Variants in ATXN7L1 observed in about 807,000 individuals in gnomAD.
The protein encoded by ATXN7L1 is ataxin 7 like 1.
ATXN7L1 carries 15 observed loss-of-function variants against 70.8 expected under a neutral mutation model. That is an observed-to-expected ratio of 0.21 (90% CI 0.14 to 0.33). The LOEUF is 0.33. Among genes scored for constraint, ATXN7L1 ranks in the 10% least tolerant of loss-of-function variants. The pLI is 1.00. For missense variants in ATXN7L1, 975 were observed against 1,097.1 expected, an observed-to-expected ratio of 0.89 and a Z score of 1.57; for synonymous variants, 440 against 445.1, an observed-to-expected ratio of 0.99 and a Z score of 0.14.
At chr7:105,654,626 G>A (rs570425409) in intron 4 of ATXN7L1, among the ~76,000 whole-genome samples, 1 of 152,318 alleles carries the variant, frequency 6.6e-6, no homozygotes, top group South Asian at 2.1e-4. Flanking sequence ...CCACAAAATA[G>A]TCTTTAGGCT....
At chr7:105,673,925 G>A (rs1804193559) in intron 3 of ATXN7L1, among the ~76,000 whole-genome samples, 2 of 152,204 alleles carry the variant, frequency 1.3e-5, no homozygotes, top group African/African-American at 4.8e-5. Context: ...GCCTTGCTCA[G>A]CAGAGGAGGA....
chr7:105,627,962 A>G (rs1052182473), intron 7 of ATXN7L1, among the ~76,000 whole-genome samples: 15 of 144,120 alleles, frequency 1.0e-4, no homozygotes, highest in South Asian at 2.2e-4. Context: ...CTCCTGCCTC[A>G]GCCTCCTGAG....
At chr7:105,833,124 T>G (rs2116591961) in intron 2 of ATXN7L1, among the ~76,000 whole-genome samples, 1 of 152,206 alleles carries the variant, frequency 6.6e-6, no homozygotes, top group East Asian at 1.9e-4. Context: ...GGCTTCTGCC[T>G]CCCCCTCTGA....
At chr7:105,618,062 G>A (rs754397288) in intron 9 of ATXN7L1, 13 of 456,734 alleles carry the variant, frequency 2.8e-5, no homozygotes, top group Middle Eastern at 3.3e-4. Flanking sequence ...GAACAGGGGG[G>A]AGGGACCTGA....
intron 3 of ATXN7L1, among the ~76,000 whole-genome samples, chr7:105,693,292 A>C (rs10280429): frequency 6.6e-6 from 1 of 152,162 alleles, no homozygotes; most frequent in Non-Finnish European, 1.5e-5. Flanking sequence ...CCTGGGCTCA[A>C]GGAATCCTTC....
intron 3 of ATXN7L1, among the ~76,000 whole-genome samples, chr7:105,774,479 G>A (rs911534215): frequency 1.3e-5 from 2 of 151,156 alleles, no homozygotes; most frequent in Non-Finnish European, 2.9e-5. Context: ...AGCCTCCCTA[G>A]TAGCTGAGAT....
At chr7:105,726,182 G>A (rs536862438) in intron 3 of ATXN7L1, among the ~76,000 whole-genome samples, 56 of 152,296 alleles carry the variant, frequency 3.7e-4, no homozygotes, top group African/African-American at 1.3e-3. Context: ...GATTACAGGT[G>A]TGAACCACTG....
intron 3 of ATXN7L1, among the ~76,000 whole-genome samples, chr7:105,734,233 A>G (rs1238685472): frequency 6.6e-6 from 1 of 152,230 alleles, no homozygotes; most frequent in Admixed American, 6.5e-5. Flanking sequence ...ATTCAGAAAT[A>G]AAATAAGCTT....
intron 7 of ATXN7L1, among the ~76,000 whole-genome samples, chr7:105,632,849 A>G (rs1456159344): frequency 7.1e-6 from 1 of 141,356 alleles, no homozygotes; most frequent in African/African-American, 2.6e-5. Context: ...TGAACCCAGG[A>G]GTTTGAAGCT....
At chr7:105,864,530 A>G (rs1001968744) in intron 2 of ATXN7L1, among the ~76,000 whole-genome samples, 14 of 147,314 alleles carry the variant, frequency 9.5e-5, no homozygotes, top group African/African-American at 3.5e-4. Context: ...TCGTTTTAGT[A>G]TGACCAGCCT....
At chr7:105,789,726 T>A (rs975917997) in intron 2 of ATXN7L1, among the ~76,000 whole-genome samples, 1 of 151,156 alleles carries the variant, frequency 6.6e-6, no homozygotes, top group African/African-American at 2.4e-5. Flanking sequence ...CATGCCCAGG[T>A]GAGGATTTTG....
intron 3 of ATXN7L1, among the ~76,000 whole-genome samples, chr7:105,698,208 C>T (rs925477988): frequency 2.6e-5 from 4 of 152,140 alleles, no homozygotes; most frequent in Non-Finnish European, 5.9e-5. Context: ...GCCCTGTTAC[C>T]TGGATTCACA....
intron 3 of ATXN7L1, among the ~76,000 whole-genome samples, chr7:105,786,204 T>C (rs1237118542): frequency 1.3e-5 from 2 of 152,248 alleles, no homozygotes; most frequent in African/African-American, 4.8e-5. Flanking sequence ...TAACGGAGAC[T>C]GGGCTTTGAG....
At chr7:105,733,682 C>CACT (rs1796971439) in intron 3 of ATXN7L1, among the ~76,000 whole-genome samples, 1 of 76,954 alleles carries the variant, frequency 1.3e-5, no homozygotes, top group Non-Finnish European at 2.8e-5. Context: ...ATCCATCCAC[C>CACT]CATCCACCCA....
At chr7:105,651,463 A>AC (rs1375201403) in intron 4 of ATXN7L1, among the ~76,000 whole-genome samples, 3 of 152,090 alleles carry the variant, frequency 2.0e-5, no homozygotes, top group African/African-American at 7.2e-5. Context: ...CCATCAGAAA[A>AC]CTTCTGCTTC....
At chr7:105,808,985 T>A (rs1808023569) in intron 2 of ATXN7L1, among the ~76,000 whole-genome samples, 1 of 152,388 alleles carries the variant, frequency 6.6e-6, no homozygotes, top group East Asian at 1.9e-4. Context: ...GAAGCCAACA[T>A]GTGAGGCGTT....
chr7:105,645,598 C>A (rs1427146002), intron 4 of ATXN7L1, among the ~76,000 whole-genome samples: 1 of 147,578 alleles, frequency 6.8e-6, no homozygotes, highest in Non-Finnish European at 1.5e-5. Flanking sequence ...AGATCAAGAC[C>A]ATCCTGGCTA....
At chr7:105,816,321 G>A (rs1014611306) in intron 2 of ATXN7L1, among the ~76,000 whole-genome samples, 9 of 152,162 alleles carry the variant, frequency 5.9e-5, no homozygotes, top group African/African-American at 2.2e-4. Flanking sequence ...TTTTAAACTG[G>A]TTTTAGAAAA....
In ATXN7L1 at chr7:105,650,228, T is replaced by C. The variant is rs79459880; in HGVS notation, c.579-7107A>G. Among the ~76,000 whole-genome samples, 576 of 152,326 alleles carry C rather than the reference T, an allele frequency of 3.8e-3. 8 individuals are homozygous for C. In the East Asian group the frequency reaches 0.054, roughly 14 times the overall value. On this transcript the variant is annotated intron_variant, in intron 4 of 11. Coordinates refer to ENST00000419735, the MANE Select transcript of ATXN7L1 (RefSeq NM_020725.2). ...ACAGAGACACAAAGTCCTACTACCG[T>C]GGTATGACAGATACAGTTGATACTG... is the stretch of plus-strand genomic sequence containing the variant.
Sources: allele counts gnomAD v4.1 joint callset (sites outside exome capture counted in the v4.1 genomes callset), GRCh38; gene constraint gnomAD v4.1.1; transcripts MANE v1.5; gene names NCBI Gene and HGNC (gene_info 2026-07-23, HGNC 2026-07-21).